Variants in NALF1 observed in about 807,000 individuals in gnomAD.
The protein encoded by NALF1 is family with sequence similarity 155 member A.
In NALF1, 3 loss-of-function variants were observed where a neutral mutation model predicts 48.4. That is an observed-to-expected ratio of 0.06 (90% CI 0.03 to 0.16). The LOEUF is 0.16. NALF1 is among the 10% of genes least tolerant of loss of function. The pLI, the probability that NALF1 is intolerant of heterozygous loss-of-function variation, is 1.00. For synonymous variants in NALF1, 262 were observed against 245.7 expected (o/e 1.07, Z -0.62); for missense variants, 526 against 571.5 (o/e 0.92, Z 0.81).
intron 1 of NALF1, among the ~76,000 whole-genome samples, chr13:107,738,535 G>T (rs564226396): frequency 4.3e-4 from 65 of 152,134 alleles, no homozygotes; most frequent in African/African-American, 1.5e-3. Flanking sequence ...AATAAACAAA[G>T]AAATAACTAC....
intron 1 of NALF1, among the ~76,000 whole-genome samples, chr13:107,829,946 T>G (rs944938216): frequency 3.5e-4 from 54 of 152,298 alleles, no homozygotes; most frequent in Admixed American, 3.3e-3. Flanking sequence ...GATGTCACAT[T>G]CGGGCTTAGC....
At chr13:107,709,372 T>C (rs1191069773) in intron 1 of NALF1, among the ~76,000 whole-genome samples, 1 of 152,242 alleles carries the variant, frequency 6.6e-6, no homozygotes, top group African/African-American at 2.4e-5. Context: ...CTGAGCTGAC[T>C]TTCTGGTTAA....
rs1251146151 is a variant in NALF1, at chr13:107,482,852, T to C, written c.916-272097A>G. Among the ~76,000 whole-genome samples, 4 of 152,196 alleles carry C rather than the reference T, an allele frequency of 2.6e-5. No individual in the cohort carries two copies. The East Asian group carries it at 7.7e-4, about 29-fold the overall frequency. ...GGCAACGTGCACTATGAATAATAAATTTTAATATGTAAATCACAAGCTACT... is the reference window on the plus strand; with the variant it reads ...GGCAACGTGCACTATGAATAATAAACTTTAATATGTAAATCACAAGCTACT... On this transcript the variant is annotated intron_variant, in intron 1 of 2. Coordinates refer to ENST00000375915, the MANE Select transcript of NALF1 (RefSeq NM_001080396.3).
chr13:107,536,785 T>TG (rs1876831984), intron 1 of NALF1, among the ~76,000 whole-genome samples: 1 of 152,122 alleles, frequency 6.6e-6, no homozygotes, highest in Non-Finnish European at 1.5e-5. Context: ...CACACGTATG[T>TG]TTACTGCAGC....
chr13:107,757,894 T>C (rs1028144185), intron 1 of NALF1, among the ~76,000 whole-genome samples: 8 of 152,238 alleles, frequency 5.3e-5, no homozygotes, highest in African/African-American at 1.9e-4. Context: ...TCATCCTTGA[T>C]GGTTATTGAT....
At chr13:107,438,354 T>C (rs1301821293) in intron 1 of NALF1, among the ~76,000 whole-genome samples, 1 of 152,194 alleles carries the variant, frequency 6.6e-6, no homozygotes, top group African/African-American at 2.4e-5. Flanking sequence ...AAGTTAAGAA[T>C]TGCTGGTTTT....
At chr13:107,658,766 C>A (rs1359222308) in intron 1 of NALF1, among the ~76,000 whole-genome samples, 4 of 152,190 alleles carry the variant, frequency 2.6e-5, no homozygotes, top group East Asian at 3.9e-4. Context: ...TCACTTCTTA[C>A]CAGTGTTATT....
intron 1 of NALF1, among the ~76,000 whole-genome samples, chr13:107,780,989 A>G (rs1877870546): frequency 1.3e-5 from 2 of 152,120 alleles, no homozygotes; most frequent in Admixed American, 1.3e-4. Context: ...TATTTATTGA[A>G]TTGGATAATA....
intron 1 of NALF1, among the ~76,000 whole-genome samples, chr13:107,639,713 G>C (rs182094657): frequency 1.3e-5 from 2 of 151,768 alleles, no homozygotes; most frequent in Admixed American, 6.6e-5. Context: ...CACTGACAAA[G>C]AGCAAGTCTC....
intron 1 of NALF1, among the ~76,000 whole-genome samples, chr13:107,651,347 C>T (rs1180751975): frequency 6.6e-6 from 1 of 152,172 alleles, no homozygotes; most frequent in African/African-American, 2.4e-5. Context: ...TTTCTAATTA[C>T]ACAACGTCGA....
chr13:107,428,488 T>C (rs1406095252), intron 1 of NALF1, among the ~76,000 whole-genome samples: 1 of 152,114 alleles, frequency 6.6e-6, no homozygotes, highest in East Asian at 1.9e-4. Context: ...ATTTGAGCAG[T>C]GTATGTGACT....
chr13:107,390,686 G>A (rs368425778), intron 1 of NALF1, among the ~76,000 whole-genome samples: 4 of 151,874 alleles, frequency 2.6e-5, no homozygotes, highest in East Asian at 1.9e-4. Flanking sequence ...TACTATCCAC[G>A]GCCAACCTTG....
intron 1 of NALF1, among the ~76,000 whole-genome samples, chr13:107,294,100 T>C (rs576413421): frequency 2.6e-4 from 39 of 152,224 alleles, no homozygotes; most frequent in African/African-American, 9.1e-4. Context: ...CTACTGCTTG[T>C]ATGTGCTGTC....
At chr13:107,582,169 A>G (rs9559068) in intron 1 of NALF1, among the ~76,000 whole-genome samples, 37,016 of 152,154 alleles carry the variant, frequency 0.24, 5,176 homozygotes, top group East Asian at 0.38. Flanking sequence ...CTAAATTACC[A>G]TAAATGACAT....
intron 1 of NALF1, among the ~76,000 whole-genome samples, chr13:107,704,705 G>A (rs1881905860): frequency 6.6e-6 from 1 of 152,024 alleles, no homozygotes; most frequent in African/African-American, 2.4e-5. Flanking sequence ...GTCATTCTCA[G>A]GTAAAATAAG....
At chr13:107,675,017 C>T (rs150067447) in intron 1 of NALF1, among the ~76,000 whole-genome samples, 11 of 152,210 alleles carry the variant, frequency 7.2e-5, no homozygotes, top group Non-Finnish European at 1.2e-4. Context: ...AAAGTGAGGA[C>T]GACACCTTGA....
intron 2 of NALF1, among the ~76,000 whole-genome samples, chr13:107,206,180 T>G (rs1328506715): frequency 6.6e-6 from 1 of 152,188 alleles, no homozygotes; most frequent in Non-Finnish European, 1.5e-5. Context: ...AAAACATTTC[T>G]TTAGTCACGT....
intron 1 of NALF1, among the ~76,000 whole-genome samples, chr13:107,774,123 C>T (rs1349932058): frequency 6.6e-6 from 1 of 152,154 alleles, no homozygotes; most frequent in Non-Finnish European, 1.5e-5. Context: ...ACAGTTACTT[C>T]AATCATTTCT....
At chr13:107,480,086 G>C (rs1217520268) in intron 1 of NALF1, among the ~76,000 whole-genome samples, 1 of 152,048 alleles carries the variant, frequency 6.6e-6, no homozygotes, top group African/African-American at 2.4e-5. Context: ...ATCAGTAGAG[G>C]GGATCACTTA....
Sources: allele counts gnomAD v4.1 joint callset (sites outside exome capture counted in the v4.1 genomes callset), GRCh38; gene constraint gnomAD v4.1.1; transcripts MANE v1.5; gene names NCBI Gene and HGNC (gene_info 2026-07-23, HGNC 2026-07-21).